KTN1: variants seen among roughly 807,000 people sequenced by gnomAD.
KTN1 encodes the protein kinectin.
Under a neutral mutation model 222.5 loss-of-function variants are expected in KTN1, and 130 were observed. That is an observed-to-expected ratio of 0.58 (90% CI 0.51 to 0.68). The LOEUF (loss-of-function observed/expected upper bound fraction) is 0.68, where lower values mean the gene tolerates loss of function less well. Ranked by LOEUF, KTN1 falls within the 30% of genes least tolerant of loss-of-function variation. KTN1 has a pLI of 0.00. For synonymous variants in KTN1, 512 were observed against 496.3 expected (o/e 1.03, Z -0.42); for missense variants, 1,508 against 1,500.4 (o/e 1.01, Z -0.08).
chr14:55,647,561 A>G (rs1031556597), intron 19 of KTN1, among the ~76,000 whole-genome samples: 10 of 135,786 alleles, frequency 7.4e-5, no homozygotes, highest in Middle Eastern at 4.0e-3. Flanking sequence ...TGAACCTGGG[A>G]GGCAGAGGTT....
At position 55,679,674 on chromosome 14, in the gene KTN1, A is replaced by G. The variant is rs749073775; in HGVS notation, c.4058A>G (p.Tyr1353Cys). The G allele has an allele frequency of 6.2e-7, 1 of 1,613,774 alleles. No individual in the cohort carries two copies. Among genetic ancestry groups the G allele is most frequent in the African/African-American group, 1.3e-5 (1 of 74,902 alleles). Residue 1353 changes from tyrosine (Y) to cysteine (C), a missense_variant, in exon 43 of 44, where the codon TAC (tyrosine) becomes TGC (cysteine). Transcript: ENST00000395314. ...CAGCTCACAAAGGAGAAAGAGCACT[A>G]CCAGGTGTTAGGTAAGGACAACTGA... ...NQQLTKEKEH[Y>C]QVLE
intron 43 of KTN1, 163 bp downstream of exon 43, chr14:55,679,848 T>A (rs1430770335): frequency 1.4e-6 from 1 of 718,814 alleles, no homozygotes; most frequent in African/African-American, 1.8e-5. Flanking sequence ...TTTAGTTCTA[T>A]TTTGTGCATA....
chr14:55,612,946 C>G (rs1436832652), intron 2 of KTN1, among the ~76,000 whole-genome samples: 2 of 151,778 alleles, frequency 1.3e-5, no homozygotes, highest in African/African-American at 2.4e-5. Context: ...CCAACTTTGG[C>G]TATTTTACTT....
Position 55,664,025 on chromosome 14 carries a change from T to C in KTN1, c.3161T>C (p.Val1054Ala), listed in dbSNP as rs1194502697. Reference protein sequence around the residue: ...ASTEKMLQDKVNKTSKERQQQ... With the variant: ...ASTEKMLQDKANKTSKERQQQ... The stretch of plus-strand genomic sequence containing the variant: ...ACTGAAAAAATGCTGCAGGACAAAG[T>C]GAACAAGACTTCCAAGGTTGTAATG... The change falls in exon 33 of 44, where the codon GTG becomes GCG. Residue 1054 changes from valine to alanine, a missense_variant. Transcript: ENST00000395314. The C allele has an allele frequency of 6.2e-7, 1 of 1,610,546 alleles. No individual in the cohort carries two copies.
At chr14:55,677,782 T>A (rs976494263) in intron 41 of KTN1, among the ~76,000 whole-genome samples, 1 of 152,220 alleles carries the variant, frequency 6.6e-6, no homozygotes, top group Non-Finnish European at 1.5e-5. Flanking sequence ...CACTGCAACC[T>A]CCGCCTCCCA....
intron 43 of KTN1, chr14:55,681,709 T>C (rs1474418895): frequency 1.3e-5 from 2 of 152,192 alleles, no homozygotes; most frequent in Non-Finnish European, 2.9e-5. Context: ...GACAGTATTA[T>C]ATCATGAATG....
chr14:55,653,080 A>C lies in KTN1; in HGVS notation c.2758A>C (p.Lys920Gln). ...TCAGGAAGTAGCACAACATAACTTG[A>C]AAGAGGTATAGTATAAACAAATTAC... ...HVQEVAQHNL[K>Q]EASSASQFEE... Residue 920 changes from lysine (K) to glutamine (Q), a missense_variant, in exon 27 of 44, where the codon AAA (lysine) becomes CAA (glutamine). Physicochemically the swap from Lys to Gln is moderately conservative, Grantham distance 53. Transcript: ENST00000395314. The C allele has an allele frequency of 6.3e-7, 1 of 1,578,732 alleles. No individual in the cohort carries two copies. Among genetic ancestry groups the C allele is most frequent in the Non-Finnish European group, 8.7e-7 (1 of 1,149,028 alleles).
chr14:55,589,802 G>A (rs1020459735), intron 1 of KTN1, among the ~76,000 whole-genome samples: 2 of 151,720 alleles, frequency 1.3e-5, no homozygotes, highest in African/African-American at 4.8e-5. Context: ...GGGACTACAG[G>A]CATGCATCAC....
At chr14:55,581,814 A>G (rs2031723370) in intron 1 of KTN1, among the ~76,000 whole-genome samples, 1 of 152,132 alleles carries the variant, frequency 6.6e-6, no homozygotes, top group Non-Finnish European at 1.5e-5. Context: ...GAATAACACT[A>G]AATTACTCTT....
chr14:55,655,981 G>T, intron 28 of KTN1, 61 bp from the exon 29 acceptor site: 1 of 909,090 alleles, frequency 1.1e-6, no homozygotes, highest in Non-Finnish European at 1.7e-6. Flanking sequence ...GGGTGATATT[G>T]GAGTCTGGTT....
intron 9 of KTN1, 134 bp downstream of exon 9, chr14:55,634,792 A>G (rs1296066040): frequency 4.4e-6 from 3 of 682,900 alleles, no homozygotes; most frequent in East Asian, 3.1e-5. Flanking sequence ...TCACGGTTCA[A>G]CATGGCTGGG....
chr14:55,619,978 G>A (rs1479498587), intron 5 of KTN1, among the ~76,000 whole-genome samples: 1 of 152,152 alleles, frequency 6.6e-6, no homozygotes, highest in Admixed American at 6.5e-5. Flanking sequence ...TTCCGCCTAT[G>A]AGCCTGTAAA....
intron 5 of KTN1, among the ~76,000 whole-genome samples, chr14:55,619,966 C>T (rs574280791): frequency 6.6e-6 from 1 of 152,246 alleles, no homozygotes; most frequent in South Asian, 2.1e-4. Flanking sequence ...AAGGCAAGTC[C>T]CTTCCGCCTA....
intron 40 of KTN1, chr14:55,673,469 G>A (rs1232450736): frequency 8.3e-6 from 3 of 362,088 alleles, no homozygotes; most frequent in African/African-American, 2.1e-5. Context: ...CCTAACAATG[G>A]CATGTTTGGC....
rs748450933 is a variant in KTN1, at chr14:55,667,320, C to G, written c.3257C>G (p.Pro1086Arg). ...LKKLFPKVSV[P>R]SNLSYGEWLH... ...AAATTATTTCCAAAGGTGTCTGTCC[C>G]TTCTAATTTGGTAAGACTAATTTAT... The change falls in exon 34 of 44, where the codon CCT becomes CGT. Residue 1086 changes from proline (P) to arginine (R), a missense_variant. Coordinates refer to ENST00000395314, the MANE Select transcript of KTN1 (RefSeq NM_001079521.2). 1.9e-6 allele frequency: 3 copies of G among 1,580,856 alleles called. No homozygotes were observed. Among genetic ancestry groups the G allele is most frequent in the African/African-American group, 2.7e-5 (2 of 73,668 alleles).
In KTN1 at chr14:55,640,980, G is replaced by A. The variant is rs771121605; in HGVS notation, c.2021+10G>A. The stretch of plus-strand genomic sequence containing the variant: ...AGAAGATGCAACAAAGGTGACTAAA[G>A]TATTGTACATCTAGTCGTTCATACA... On this transcript the variant is annotated intron_variant, in intron 16 of 43. Transcript: ENST00000395314. 1 of 1,602,188 alleles carries A rather than the reference G, an allele frequency of 6.2e-7. No individual in the cohort carries two copies. The highest frequency in any genetic ancestry group is 1.1e-5 in the South Asian group (1 of 90,662).
intron 33 of KTN1, among the ~76,000 whole-genome samples, chr14:55,664,508 T>C (rs896346903): frequency 6.6e-6 from 1 of 152,124 alleles, no homozygotes; most frequent in Admixed American, 6.5e-5. Context: ...GCATCAACTT[T>C]GGGTGTGTTG....
intron 30 of KTN1, among the ~76,000 whole-genome samples, 194 bp from the exon 31 acceptor site, chr14:55,659,472 T>C (rs190251693): frequency 1.8e-3 from 268 of 152,288 alleles, no homozygotes; most frequent in African/African-American, 6.2e-3. Flanking sequence ...AGATTGGATT[T>C]AGCATTCCAT....
chr14:55,603,491 A>C (rs1236035647), intron 1 of KTN1, among the ~76,000 whole-genome samples: 1 of 152,146 alleles, frequency 6.6e-6, no homozygotes, highest in Non-Finnish European at 1.5e-5. Flanking sequence ...CTCCTCCTTA[A>C]TAGACTTTAT....
Sources: allele counts gnomAD v4.1 joint callset (sites outside exome capture counted in the v4.1 genomes callset), GRCh38; gene constraint gnomAD v4.1.1; transcripts MANE v1.5; gene names NCBI Gene and HGNC (gene_info 2026-07-23, HGNC 2026-07-21).